The following GALNTL6 variants were observed in gnomAD, a reference collection of about 807,000 sequenced individuals.
GALNTL6 encodes polypeptide N-acetylgalactosaminyltransferase like 6.
Under a neutral mutation model 73.7 loss-of-function variants are expected in GALNTL6, and 46 were observed. That is an observed-to-expected ratio of 0.62 (90% CI 0.49 to 0.80). GALNTL6 has a LOEUF of 0.80. Ranked by LOEUF, GALNTL6 falls within the 30% of genes least tolerant of loss-of-function variation. The pLI, the probability that GALNTL6 is intolerant of heterozygous loss-of-function variation, is 0.00. For missense variants in GALNTL6, 604 were observed against 755.0 expected, an observed-to-expected ratio of 0.80 and a Z score of 2.34; for synonymous variants, 259 against 263.7, an observed-to-expected ratio of 0.98 and a Z score of 0.17.
intron 2 of GALNTL6, among the ~76,000 whole-genome samples, chr4:171,943,011 T>G (rs1738597131): frequency 6.6e-6 from 1 of 152,186 alleles, no homozygotes. Flanking sequence ...CACAAAAATA[T>G]TAGTATTATA....
In GALNTL6 at chr4:172,665,281, A is replaced by C. The variant is rs1434475754; in HGVS notation, c.554-144080A>C. Reference sequence around the variant, plus strand: ...GGCCTCTGCTTATCAATCTCTCTAGAACCACACTGATGGATATTTCATGCC... The same window carrying C: ...GGCCTCTGCTTATCAATCTCTCTAGCACCACACTGATGGATATTTCATGCC... On this transcript the variant is annotated intron_variant, in intron 5 of 12. Coordinates refer to ENST00000506823, the MANE Select transcript of GALNTL6 (RefSeq NM_001034845.3). Among the ~76,000 whole-genome samples, 3 of 152,306 alleles carry C rather than the reference A, an allele frequency of 2.0e-5. No individual in the cohort carries two copies. The East Asian group carries it at 5.8e-4, about 29-fold the overall frequency.
intron 5 of GALNTL6, among the ~76,000 whole-genome samples, chr4:172,799,322 G>T (rs1469526966): frequency 6.6e-6 from 1 of 152,188 alleles, no homozygotes; most frequent in Non-Finnish European, 1.5e-5. Context: ...AATCTATGCT[G>T]CAGTGGGGGG....
At chr4:172,516,580 G>A (rs1018644596) in intron 5 of GALNTL6, among the ~76,000 whole-genome samples, 27 of 151,956 alleles carry the variant, frequency 1.8e-4, no homozygotes, top group Non-Finnish European at 3.7e-4. Flanking sequence ...AGGTAAAACC[G>A]TATGGGTGTT....
chr4:172,623,879 C>T lies in GALNTL6; in HGVS notation c.554-185482C>T, dbSNP rs76516598. Among the ~76,000 whole-genome samples the T allele has an allele frequency of 3.4e-3, 514 of 152,144 alleles. 3 individuals carry two copies. Among genetic ancestry groups the T allele is most frequent in the African/African-American group, 0.011 (477 of 41,546 alleles). ...TTCATTTTGTTAATTTTTGCTTTACCATTATGTCTCAAATTTTATTCATGA... is the reference window on the plus strand; with the variant it reads ...TTCATTTTGTTAATTTTTGCTTTACTATTATGTCTCAAATTTTATTCATGA... On this transcript the variant is annotated intron_variant, in intron 5 of 12. Coordinates refer to ENST00000506823, the MANE Select transcript of GALNTL6 (RefSeq NM_001034845.3).
chr4:172,629,761 T>C (rs926749019), intron 5 of GALNTL6, among the ~76,000 whole-genome samples: 4 of 152,158 alleles, frequency 2.6e-5, no homozygotes, highest in African/African-American at 4.8e-5. Context: ...CCAATGATGA[T>C]GTAGAACATT....
intron 5 of GALNTL6, among the ~76,000 whole-genome samples, chr4:172,666,347 C>A (rs963595497): frequency 6.6e-6 from 1 of 152,098 alleles, no homozygotes; most frequent in Non-Finnish European, 1.5e-5. Flanking sequence ...TGAAAGTTAT[C>A]AGAATCAAAA....
intron 5 of GALNTL6, among the ~76,000 whole-genome samples, chr4:172,761,747 C>T (rs192374829): frequency 5.5e-4 from 84 of 151,572 alleles, no homozygotes; most frequent in African/African-American, 1.9e-3. Context: ...TCCCCTTTAC[C>T]TTCTGCCATG....
intron 5 of GALNTL6, among the ~76,000 whole-genome samples, chr4:172,796,467 A>C (rs1199963978): frequency 6.6e-6 from 1 of 152,218 alleles, no homozygotes; most frequent in Non-Finnish European, 1.5e-5. Context: ...ACAATATCAT[A>C]AGCACTCAGC....
chr4:172,006,328 A>G (rs1579052017), intron 2 of GALNTL6, among the ~76,000 whole-genome samples: 2 of 152,062 alleles, frequency 1.3e-5, no homozygotes, highest in Admixed American at 6.6e-5. Context: ...GTGACTTCCA[A>G]AATCAAAACT....
At chr4:172,589,766 G>A (rs1347739339) in intron 5 of GALNTL6, among the ~76,000 whole-genome samples, 1 of 152,190 alleles carries the variant, frequency 6.6e-6, no homozygotes, top group Non-Finnish European at 1.5e-5. Context: ...GAATGGCATA[G>A]TACAACATTA....
chr4:172,245,756 T>A (rs2111002725), intron 3 of GALNTL6, among the ~76,000 whole-genome samples: 1 of 152,278 alleles, frequency 6.6e-6, no homozygotes, highest in Middle Eastern at 3.4e-3. Context: ...CTCCATTACC[T>A]AATGAGTGCT....
At position 171,988,974 on chromosome 4, in the gene GALNTL6, G is replaced by A. The variant is rs552429831; in HGVS notation, c.138+174256G>A. ...CTGTAGCCTAGGAATAGTCAGGGAAGCAGATAATTTAGTTAAAGTGTCTCG... is the reference window on the plus strand; with the variant it reads ...CTGTAGCCTAGGAATAGTCAGGGAAACAGATAATTTAGTTAAAGTGTCTCG... On this transcript the variant is annotated intron_variant, in intron 2 of 12. Transcript: ENST00000506823. Among the ~76,000 whole-genome samples, 278 of 152,196 alleles carry A rather than the reference G, an allele frequency of 1.8e-3. 1 individual carries two copies. Among genetic ancestry groups the A allele is most frequent in the African/African-American group, 6.4e-3 (264 of 41,528 alleles).
intron 12 of GALNTL6, among the ~76,000 whole-genome samples, chr4:173,030,850 A>G (rs1259345734): frequency 6.6e-6 from 1 of 151,992 alleles, no homozygotes. Flanking sequence ...AAAAAAAAAA[A>G]AAAAAGCTGG....
At chr4:172,242,395 ATTTGT>A (rs1339468538) in intron 3 of GALNTL6, among the ~76,000 whole-genome samples, 1 of 152,064 alleles carries the variant, frequency 6.6e-6, no homozygotes, top group East Asian at 1.9e-4. Context: ...TCTAGAAAGC[ATTTGT>A]TTTTAGTTTT....
At chr4:171,833,390 T>C (rs909082384) in intron 2 of GALNTL6, among the ~76,000 whole-genome samples, 1 of 151,756 alleles carries the variant, frequency 6.6e-6, no homozygotes, top group South Asian at 2.1e-4. Flanking sequence ...TAGCCAGAAG[T>C]TTTTGAAGAT....
chr4:173,036,163 C>T lies in GALNTL6; in HGVS notation c.1639-3770C>T, dbSNP rs1753686843. 2.6e-5 allele frequency among the ~76,000 whole-genome samples: 4 copies of T among 152,316 alleles called. No homozygotes were observed. The South Asian group carries it at 8.3e-4, about 32-fold the overall frequency. On this transcript the variant is annotated intron_variant, in intron 12 of 12. Transcript: ENST00000506823. ...ATCCCCTACGCCACAAATCCAAGCA[C>T]TTTCCCCATGACTGTTGTCTCTCCG...
chr4:172,430,190 G>A (rs536137118), intron 5 of GALNTL6, among the ~76,000 whole-genome samples: 28 of 152,012 alleles, frequency 1.8e-4, no homozygotes, highest in Non-Finnish European at 1.8e-4. Flanking sequence ...ACTTGACAGT[G>A]AGAAAGGAAT....
intron 5 of GALNTL6, among the ~76,000 whole-genome samples, chr4:172,714,517 A>G (rs775125853): frequency 4.6e-5 from 7 of 152,324 alleles, no homozygotes; most frequent in Admixed American, 1.3e-4. Flanking sequence ...GTGGTTGAAC[A>G]TGTATTGCAC....
intron 4 of GALNTL6, among the ~76,000 whole-genome samples, chr4:172,331,564 C>T (rs960057558): frequency 1.8e-4 from 28 of 152,176 alleles, no homozygotes; most frequent in African/African-American, 6.5e-4. Flanking sequence ...CCACTGGCAA[C>T]CATTCTACTC....
Sources: allele counts gnomAD v4.1 joint callset (sites outside exome capture counted in the v4.1 genomes callset), GRCh38; gene constraint gnomAD v4.1.1; transcripts MANE v1.5; gene names NCBI Gene and HGNC (gene_info 2026-07-23, HGNC 2026-07-21).